Variants in ATP8B1 observed in about 807,000 individuals in gnomAD.
The protein encoded by ATP8B1 is ATPase phospholipid transporting 8B1.
Under a neutral mutation model 149.9 loss-of-function variants are expected in ATP8B1, and 80 were observed. The observed-to-expected ratio is 0.53, with a 90% confidence interval of 0.45 to 0.64. The LOEUF (loss-of-function observed/expected upper bound fraction) is 0.64, where lower values mean the gene tolerates loss of function less well. ATP8B1 is among the 30% of genes least tolerant of loss of function. The probability of loss-of-function intolerance (pLI) is 0.00; values close to 1 mark genes in which losing one functional copy is unlikely to be tolerated. For missense variants in ATP8B1, 1,247 were observed against 1,552.6 expected, an observed-to-expected ratio of 0.80 and a Z score of 3.31; for synonymous variants, 536 against 562.8, an observed-to-expected ratio of 0.95 and a Z score of 0.67.
chr18:57,770,851 A>G (rs1316052388), intron 1 of ATP8B1, among the ~76,000 whole-genome samples: 2 of 152,194 alleles, frequency 1.3e-5, no homozygotes, highest in African/African-American at 4.8e-5. Context: ...TCTTCTAGAA[A>G]CATGGATGTG....
intron 1 of ATP8B1, among the ~76,000 whole-genome samples, chr18:57,759,446 T>A (rs867670079): frequency 1.2e-4 from 18 of 152,194 alleles, no homozygotes; most frequent in Non-Finnish European, 2.2e-4. Context: ...TGAGAATTTT[T>A]AAAAAATCAC....
At chr18:57,672,428 C>T (rs1040686948) in intron 16 of ATP8B1, among the ~76,000 whole-genome samples, 1 of 152,186 alleles carries the variant, frequency 6.6e-6, no homozygotes, top group African/African-American at 2.4e-5. Flanking sequence ...AGAAAGCGTT[C>T]AGTAAGTGTG....
At chr18:57,727,711 C>T (rs1359390379) in intron 2 of ATP8B1, among the ~76,000 whole-genome samples, 1 of 152,154 alleles carries the variant, frequency 6.6e-6, no homozygotes, top group Non-Finnish European at 1.5e-5. Flanking sequence ...ATCGCTTGAA[C>T]CCAGGAGCGG....
intron 1 of ATP8B1, among the ~76,000 whole-genome samples, chr18:57,758,702 T>A (rs187447177): frequency 3.3e-5 from 5 of 152,212 alleles, no homozygotes; most frequent in Admixed American, 2.6e-4. Context: ...TTTCCTTTTT[T>A]CTTTTACAAA....
At chr18:57,695,821 T>C (rs1161793552) in intron 8 of ATP8B1, among the ~76,000 whole-genome samples, 1 of 152,228 alleles carries the variant, frequency 6.6e-6, no homozygotes, top group Non-Finnish European at 1.5e-5. Flanking sequence ...AACTTTACCA[T>C]CAGCTAGGAC....
chr18:57,691,787 G>A lies in ATP8B1; in HGVS notation c.1220+20C>T. The A allele has an allele frequency of 6.2e-7, 1 of 1,613,464 alleles. No individual in the cohort carries two copies. Among genetic ancestry groups the A allele is most frequent in the Non-Finnish European group, 8.5e-7 (1 of 1,179,664 alleles). On this transcript the variant is annotated intron_variant, in intron 12 of 27. Coordinates refer to ENST00000648908, the MANE Select transcript of ATP8B1 (RefSeq NM_001374385.1). ...CAACATTCTTCCATTAAAGCAAAAT[G>A]CCAGAGAGGACAGCCTTACCTGACA...
At chr18:57,679,285 A>G (rs902010736) in intron 15 of ATP8B1, among the ~76,000 whole-genome samples, 2 of 152,130 alleles carry the variant, frequency 1.3e-5, no homozygotes, top group African/African-American at 4.8e-5. Flanking sequence ...TTCTGTGTTC[A>G]CTACCTGGAT....
Position 57,701,313 on chromosome 18 carries a change from C to T in ATP8B1, c.394G>A (p.Ala132Thr). 1 of 1,613,116 alleles carries T rather than the reference C, an allele frequency of 6.2e-7. No individual in the cohort carries two copies. Among genetic ancestry groups the T allele is most frequent in the Non-Finnish European group, 8.5e-7 (1 of 1,179,112 alleles). ...LYFLALLILQ[A>T]VPQISTLAWY... ...GCCAGGGTAGAGATTTGAGGAACTGCCTAAAAGAATAAAAGGGCTTATGTG... is the reference window on the plus strand; with the variant it reads ...GCCAGGGTAGAGATTTGAGGAACTGTCTAAAAGAATAAAAGGGCTTATGTG... Residue 132 changes from alanine to threonine, a missense_variant and splice_region_variant, in exon 5 of 28, where the codon GCA becomes ACA. Transcript: ENST00000648908.
chr18:57,731,427 T>C (rs1010154970), intron 2 of ATP8B1, 200 bp downstream of exon 2: 4 of 575,760 alleles, frequency 6.9e-6, no homozygotes, highest in Non-Finnish European at 1.2e-5. Context: ...TTGTCAGATA[T>C]GCTCTCCCAG....
Position 57,733,159 on chromosome 18 carries a change from C to T in ATP8B1, c.-25-1327G>A, listed in dbSNP as rs369314908. ...TTTAGGAAAATATTTACACAAATAC[C>T]TCAGGTTACAGACACACAGCCTGGC... On this transcript the variant is annotated intron_variant, in intron 1 of 27. Transcript: ENST00000648908. 8.5e-5 allele frequency among the ~76,000 whole-genome samples: 13 copies of T among 152,230 alleles called. No homozygotes were observed. In the South Asian group the frequency reaches 2.7e-3, roughly 32 times the overall value.
chr18:57,652,423 A>G, intron 25 of ATP8B1, 61 bp downstream of exon 25: 1 of 1,607,246 alleles, frequency 6.2e-7, no homozygotes, highest in Non-Finnish European at 8.5e-7. Flanking sequence ...ATGCCACCCT[A>G]TATACAGAAA....
chr18:57,768,993 T>C (rs1057470661), intron 1 of ATP8B1, among the ~76,000 whole-genome samples: 10 of 152,184 alleles, frequency 6.6e-5, no homozygotes, highest in Non-Finnish European at 1.2e-4. Flanking sequence ...CCACTTTCCA[T>C]GAAGGATCAG....
intron 1 of ATP8B1, among the ~76,000 whole-genome samples, chr18:57,798,689 T>C (rs2080542805): frequency 6.6e-6 from 1 of 152,120 alleles, no homozygotes; most frequent in Non-Finnish European, 1.5e-5. Context: ...TAAAGGGGGC[T>C]CAGGAGCATT....
At chr18:57,741,266 C>T (rs1194032444) in intron 1 of ATP8B1, among the ~76,000 whole-genome samples, 2 of 152,082 alleles carry the variant, frequency 1.3e-5, no homozygotes, top group Non-Finnish European at 1.5e-5. Context: ...TAGAATATGG[C>T]GCAGGTAATG....
intron 13 of ATP8B1, among the ~76,000 whole-genome samples, chr18:57,686,637 T>C (rs1599115674): frequency 6.6e-6 from 1 of 152,156 alleles, no homozygotes; most frequent in Admixed American, 6.5e-5. Flanking sequence ...GCCAGGCTGG[T>C]CTCGAACTCC....
chr18:57,651,627 CTTTGTTTTT>C (rs1197024842), intron 26 of ATP8B1, among the ~76,000 whole-genome samples: 1 of 151,454 alleles, frequency 6.6e-6, no homozygotes, highest in Non-Finnish European at 1.5e-5. Flanking sequence ...TTTTGTTGTG[CTTTGTTTTT>C]TTTGTTTTTT....
chr18:57,680,619 A>ACAAAACAAAAC lies in ATP8B1; in HGVS notation c.1630+3416_1630+3417insGTTTTGTTTTG, dbSNP rs1555691204. ...ACAAAACAAAACAAAACAAAACAAAAAAAAAACCACACACGCTCACAAAAA... is the reference window on the plus strand; with the variant it reads ...ACAAAACAAAACAAAACAAAACAAAACAAAACAAAACAAAAAACCACACACGCTCACAAAAA... On this transcript the variant is annotated intron_variant, in intron 15 of 27. Transcript: ENST00000648908. Among the ~76,000 whole-genome samples the ACAAAACAAAAC allele has an allele frequency of 1.8e-3, 262 of 149,358 alleles. 2 individuals carry two copies. Among genetic ancestry groups the ACAAAACAAAAC allele is most frequent in the African/African-American group, 5.9e-3 (238 of 40,280 alleles).
chr18:57,737,267 A>AT (rs71171081), intron 1 of ATP8B1, among the ~76,000 whole-genome samples: 1 of 151,288 alleles, frequency 6.6e-6, no homozygotes, highest in African/African-American at 2.4e-5. Flanking sequence ...CCCTACTTTT[A>AT]TTTTTTTTTT....
intron 2 of ATP8B1, among the ~76,000 whole-genome samples, chr18:57,718,864 C>A (rs192383472): frequency 6.6e-6 from 1 of 152,052 alleles, no homozygotes; most frequent in Non-Finnish European, 1.5e-5. Flanking sequence ...GGGTACAGAA[C>A]AACATACCTC....
Sources: allele counts gnomAD v4.1 joint callset (sites outside exome capture counted in the v4.1 genomes callset), GRCh38; gene constraint gnomAD v4.1.1; transcripts MANE v1.5; gene names NCBI Gene and HGNC (gene_info 2026-07-23, HGNC 2026-07-21).